Variants in CDH13 observed in about 807,000 individuals in gnomAD.
The protein encoded by CDH13 is cadherin 13.
Under a neutral mutation model 63.8 loss-of-function variants are expected in CDH13, and 24 were observed. The observed-to-expected ratio is 0.38, with a 90% CI of 0.27 to 0.53. The LOEUF is 0.53. Among genes scored for constraint, CDH13 ranks in the 20% least tolerant of loss-of-function variants. CDH13 has a pLI of 0.85. For missense variants in CDH13, 1,049 were observed against 903.1 expected (o/e 1.16, Z -2.07); for synonymous variants, 503 against 355.3 (o/e 1.42, Z -4.67).
rs531085043 is a variant in CDH13 at position 82,696,903 on chromosome 16, T to A, written c.45+69766T>A. Reference sequence around the variant, plus strand: ...GGGGCTGGAAGATCTGCTTTCAAAGTGGCACCCTCACATGGCTGGTGGTAA... The same window carrying A: ...GGGGCTGGAAGATCTGCTTTCAAAGAGGCACCCTCACATGGCTGGTGGTAA... On this transcript the variant is annotated intron_variant, in intron 1 of 13. Transcript: ENST00000567109. 8.7e-4 allele frequency among the ~76,000 whole-genome samples: 133 copies of A among 152,284 alleles called. 1 individual carries two copies. The highest frequency in any genetic ancestry group is 1.7e-3 in the South Asian group (8 of 4,822).
intron 1 of CDH13, among the ~76,000 whole-genome samples, chr16:82,803,056 C>T (rs1002474783): frequency 1.3e-5 from 2 of 152,154 alleles, no homozygotes; most frequent in Non-Finnish European, 2.9e-5. Flanking sequence ...AGTGCCAGGC[C>T]ATGGGATTTA....
chr16:83,213,571 GC>G (rs143038690), intron 4 of CDH13, among the ~76,000 whole-genome samples: 4,857 of 152,266 alleles, frequency 0.032, 129 homozygotes, highest in African/African-American at 0.073. Context: ...GGTCAGAGAA[GC>G]CCATTCTTGG....
intron 4 of CDH13, among the ~76,000 whole-genome samples, chr16:83,215,303 T>TCC (rs954455354): frequency 1.3e-5 from 2 of 151,880 alleles, no homozygotes; most frequent in African/African-American, 4.8e-5. Flanking sequence ...GGTCTTGAAT[T>TCC]CCTGACCTCA....
At chr16:83,591,704 G>A (rs978607798) in intron 7 of CDH13, among the ~76,000 whole-genome samples, 10 of 152,110 alleles carry the variant, frequency 6.6e-5, no homozygotes, top group African/African-American at 2.2e-4. Flanking sequence ...AAAAGCCACC[G>A]AAGCACTCCC....
chr16:82,834,371 T>C (rs2038674544), intron 1 of CDH13, among the ~76,000 whole-genome samples: 1 of 152,148 alleles, frequency 6.6e-6, no homozygotes, highest in South Asian at 2.1e-4. Context: ...GGCATTTCTT[T>C]CCTTTATCTG....
At chr16:82,759,534 A>G (rs555621477) in intron 1 of CDH13, among the ~76,000 whole-genome samples, 20 of 150,502 alleles carry the variant, frequency 1.3e-4, no homozygotes, top group African/African-American at 4.9e-4. Flanking sequence ...TAATATATAC[A>G]TATATGTATA....
intron 8 of CDH13, among the ~76,000 whole-genome samples, chr16:83,622,125 G>C (rs1471833075): frequency 6.6e-6 from 1 of 152,202 alleles, no homozygotes. Flanking sequence ...CACTGTTCGA[G>C]ATGCTTTGGG....
rs1055029941 is a variant in CDH13, at chr16:82,681,083, C to T, written c.45+53946C>T. On this transcript the variant is annotated intron_variant, in intron 1 of 13. Transcript: ENST00000567109. ...TGGCATGGCAAAGGGGCTTGCCCAG[C>T]ACTATCAGCAATCTGCAAAAAGATA... is the stretch of plus-strand genomic sequence containing the variant. Among the ~76,000 whole-genome samples, 74 of 152,190 alleles carry T rather than the reference C, an allele frequency of 4.9e-4. 2 individuals carry two copies. Among genetic ancestry groups the T allele is most frequent in the Non-Finnish European group, 5.9e-5 (4 of 68,036 alleles).
chr16:83,331,517 T>C (rs940497278), intron 5 of CDH13, among the ~76,000 whole-genome samples: 2 of 152,202 alleles, frequency 1.3e-5, no homozygotes, highest in African/African-American at 2.4e-5. Flanking sequence ...CTCTAGTCAG[T>C]GTGTAGTCAC....
chr16:83,204,610 T>C (rs1321201853), intron 4 of CDH13, among the ~76,000 whole-genome samples: 2 of 152,206 alleles, frequency 1.3e-5, no homozygotes, highest in African/African-American at 4.8e-5. Context: ...CCGTGAGCCC[T>C]GAACTGGGAT....
chr16:83,343,245 A>G (rs1048903932), intron 5 of CDH13, among the ~76,000 whole-genome samples: 4 of 152,274 alleles, frequency 2.6e-5, no homozygotes, highest in African/African-American at 7.2e-5. Flanking sequence ...AATTCTATCC[A>G]TATTTGTAGG....
In CDH13 at chr16:82,877,819, G is replaced by A. The variant is rs576503550; in HGVS notation, c.157+19346G>A. 1.8e-4 allele frequency among the ~76,000 whole-genome samples: 26 copies of A among 147,284 alleles called. No individual in the cohort carries two copies. In the South Asian group the frequency reaches 3.9e-3, roughly 22 times the overall value. ...TCATTTTTTTTTTTTTAAATTTCCA[G>A]TAGCCAGTGTAACCTGGGGGCCAGG... is the stretch of plus-strand genomic sequence containing the variant. On this transcript the variant is annotated intron_variant, in intron 2 of 13. Transcript: ENST00000567109.
At chr16:83,294,142 T>C (rs1222211115) in intron 5 of CDH13, among the ~76,000 whole-genome samples, 2 of 152,234 alleles carry the variant, frequency 1.3e-5, no homozygotes, top group Non-Finnish European at 2.9e-5. Flanking sequence ...GTTTTTACTG[T>C]GTACGACATG....
chr16:82,795,408 A>C (rs566833480), intron 1 of CDH13, among the ~76,000 whole-genome samples: 1 of 152,192 alleles, frequency 6.6e-6, no homozygotes, highest in Non-Finnish European at 1.5e-5. Context: ...CAGTCAGCCA[A>C]TGCATCAACC....
chr16:82,814,467 G>T (rs186555205), intron 1 of CDH13, among the ~76,000 whole-genome samples: 1 of 152,082 alleles, frequency 6.6e-6, no homozygotes, highest in Admixed American at 6.5e-5. Flanking sequence ...ATACTCAATC[G>T]TGCCTATGTA....
At chr16:83,703,251 T>C (rs1346451019) in intron 10 of CDH13, among the ~76,000 whole-genome samples, 1 of 152,228 alleles carries the variant, frequency 6.6e-6, no homozygotes, top group Non-Finnish European at 1.5e-5. Flanking sequence ...ATACCCGTAA[T>C]TTCATTCCTA....
intron 2 of CDH13, among the ~76,000 whole-genome samples, chr16:82,980,502 C>G (rs1910120639): frequency 6.6e-6 from 1 of 152,152 alleles, no homozygotes; most frequent in Non-Finnish European, 1.5e-5. Context: ...TTTAGAGGAC[C>G]AAATAATGTA....
At chr16:83,517,509 C>A (rs984007299) in intron 7 of CDH13, among the ~76,000 whole-genome samples, 2 of 152,080 alleles carry the variant, frequency 1.3e-5, no homozygotes, top group African/African-American at 4.8e-5. Flanking sequence ...GGCAGAAGAA[C>A]AAAGAGTTAC....
chr16:83,187,896 C>G (rs2038575402), intron 4 of CDH13, among the ~76,000 whole-genome samples: 1 of 152,106 alleles, frequency 6.6e-6, no homozygotes, highest in Non-Finnish European at 1.5e-5. Flanking sequence ...TCAGTGAGAA[C>G]TGATGAACTG....
Sources: allele counts gnomAD v4.1 joint callset (sites outside exome capture counted in the v4.1 genomes callset), GRCh38; gene constraint gnomAD v4.1.1; transcripts MANE v1.5; gene names NCBI Gene and HGNC (gene_info 2026-07-23, HGNC 2026-07-21).